The following NALCN variants were observed in gnomAD, a reference collection of about 807,000 sequenced individuals.
NALCN encodes sodium leak channel, non-selective.
NALCN carries 111 observed loss-of-function variants against 225.3 expected under a neutral mutation model. That is an observed-to-expected ratio of 0.49 (90% CI 0.42 to 0.58). The LOEUF (loss-of-function observed/expected upper bound fraction) is 0.58, where lower values mean the gene tolerates loss of function less well. NALCN is among the 20% of genes least tolerant of loss of function. The pLI is 0.00. For synonymous variants in NALCN, 764 were observed against 769.0 expected, an observed-to-expected ratio of 0.99 and a Z score of 0.11; for missense variants, 1,378 against 2,202.4, an observed-to-expected ratio of 0.63 and a Z score of 7.49.
chr13:101,059,595 A>T (rs920578466), intron 42 of NALCN, among the ~76,000 whole-genome samples: 2 of 151,856 alleles, frequency 1.3e-5, no homozygotes, highest in African/African-American at 4.9e-5. Context: ...CATATGAGTC[A>T]GACTCTTTTT....
chr13:101,407,512 A>T (rs1163624287), intron 1 of NALCN, among the ~76,000 whole-genome samples: 2 of 152,230 alleles, frequency 1.3e-5, no homozygotes, highest in Non-Finnish European at 2.9e-5. Flanking sequence ...AATAGAAGCA[A>T]GCTTAGACAT....
intron 13 of NALCN, among the ~76,000 whole-genome samples, chr13:101,227,785 A>G (rs1420018024): frequency 6.6e-6 from 1 of 152,154 alleles, no homozygotes; most frequent in East Asian, 1.9e-4. Context: ...TCACACTTTC[A>G]ACCGACTTCA....
intron 9 of NALCN, among the ~76,000 whole-genome samples, chr13:101,289,093 A>G: frequency 6.6e-6 from 1 of 152,234 alleles, no homozygotes. Flanking sequence ...ATAGTGGATT[A>G]ACAAAGCAGG....
At chr13:101,248,548 A>C (rs112266249) in intron 11 of NALCN, among the ~76,000 whole-genome samples, 1 of 152,258 alleles carries the variant, frequency 6.6e-6, no homozygotes, top group Middle Eastern at 3.4e-3. Context: ...CCTTGTGTGC[A>C]TGGCCAGTGA....
chr13:101,104,524 C>T lies in NALCN; in HGVS notation c.2757+6G>A, dbSNP rs370947153. The stretch of plus-strand genomic sequence containing the variant: ...TAAGCTGAGATTTTGCAGCGGTAAG[C>T]GGTACCTGCAAAGTAGGTGCATGCA... On this transcript the variant is annotated splice_donor_region_variant and intron_variant, in intron 24 of 43. Transcript: ENST00000251127. The surrounding 1 kb of genome is among the most constrained non-coding windows in gnomAD (Gnocchi z 4.2). The T allele has an allele frequency of 2.8e-5, 45 of 1,613,756 alleles. No homozygotes were observed. The highest frequency in any genetic ancestry group is 9.3e-5 in the African/African-American group (7 of 74,882).
At chr13:101,228,169 A>AAATTATT (rs59224223) in intron 13 of NALCN, among the ~76,000 whole-genome samples, 11 of 152,032 alleles carry the variant, frequency 7.2e-5, no homozygotes, top group African/African-American at 2.7e-4. Context: ...CCTTGGCGGC[A>AAATTATT]CATGAATGAA....
At chr13:101,244,591 G>T (rs2041839872) in intron 11 of NALCN, among the ~76,000 whole-genome samples, 1 of 152,082 alleles carries the variant, frequency 6.6e-6, no homozygotes, top group African/African-American at 2.4e-5. Flanking sequence ...CTAGCTCTCT[G>T]AAATATTCAT....
At chr13:101,081,373 G>C (rs2033640878) in intron 34 of NALCN, among the ~76,000 whole-genome samples, 154 bp downstream of exon 34, 1 of 152,140 alleles carries the variant, frequency 6.6e-6, no homozygotes, top group Admixed American at 6.5e-5. Flanking sequence ...AAGCATGTCT[G>C]AGAGCCCATC....
chr13:101,191,812 A>G, intron 14 of NALCN, 105 bp downstream of exon 14: 1 of 1,162,362 alleles, frequency 8.6e-7, no homozygotes, highest in Non-Finnish European at 1.2e-6. Context: ...AGTCTGCATT[A>G]GTCCTTTGGC....
At chr13:101,083,067 G>A (rs748713413) in intron 32 of NALCN, 25 bp downstream of exon 32, 28 of 1,605,514 alleles carry the variant, frequency 1.7e-5, no homozygotes, top group East Asian at 8.9e-5. Context: ...ATTCATTCCC[G>A]GAGTCTTAGG....
chr13:101,201,342 A>T (rs1435467992), intron 13 of NALCN, among the ~76,000 whole-genome samples: 1 of 152,010 alleles, frequency 6.6e-6, no homozygotes, highest in Non-Finnish European at 1.5e-5. Context: ...GTCATTCTCC[A>T]TTCCTCCCTC....
intron 1 of NALCN, among the ~76,000 whole-genome samples, chr13:101,415,228 T>A (rs201437101): frequency 4.0e-4 from 52 of 129,130 alleles, no homozygotes; most frequent in African/African-American, 1.5e-3. Context: ...TATATATACA[T>A]ACATATATAT....
chr13:101,405,992 G>T (rs2047609119), intron 1 of NALCN, among the ~76,000 whole-genome samples: 1 of 151,944 alleles, frequency 6.6e-6, no homozygotes. Flanking sequence ...TGGTTGAGGG[G>T]TTATTATGTG....
chr13:101,267,023 A>G (rs2042618980), intron 10 of NALCN, among the ~76,000 whole-genome samples: 1 of 152,168 alleles, frequency 6.6e-6, no homozygotes, highest in Non-Finnish European at 1.5e-5. Context: ...ACAGAAGGGA[A>G]TCCACATGTC....
At chr13:101,235,695 G>A (rs1319484621) in intron 12 of NALCN, among the ~76,000 whole-genome samples, 1 of 152,218 alleles carries the variant, frequency 6.6e-6, no homozygotes, top group Non-Finnish European at 1.5e-5. Context: ...CACGGATGCT[G>A]AGGGAAGTGA....
intron 15 of NALCN, among the ~76,000 whole-genome samples, chr13:101,168,368 T>C (rs113090843): frequency 2.2e-3 from 337 of 152,298 alleles, no homozygotes; most frequent in Non-Finnish European, 3.9e-3. Context: ...CATAGATATT[T>C]CCCAGGCATC....
chr13:101,195,066 G>A (rs1204483240), intron 13 of NALCN, among the ~76,000 whole-genome samples: 2 of 152,078 alleles, frequency 1.3e-5, no homozygotes, highest in Admixed American at 6.6e-5. Flanking sequence ...AGCAAAATAT[G>A]GTTAAAGTAC....
chr13:101,225,207 A>G (rs2041095043), intron 13 of NALCN, among the ~76,000 whole-genome samples: 1 of 152,160 alleles, frequency 6.6e-6, no homozygotes, highest in South Asian at 2.1e-4. Context: ...GAAAGAAAAA[A>G]CACCCCATCT....
intron 15 of NALCN, among the ~76,000 whole-genome samples, chr13:101,171,709 C>T (rs17485338): frequency 0.024 from 3,694 of 152,168 alleles, 57 homozygotes; most frequent in South Asian, 0.06. Flanking sequence ...GTGACCATCA[C>T]GGCACACACT....
Sources: gnomAD v4.1 joint callset for allele counts (sites outside exome capture counted in the v4.1 genomes callset) on GRCh38, gnomAD v4.1.1 for gene constraint, Gnocchi (gnomAD v3.1) non-coding constraint, MANE v1.5 for transcripts, NCBI Gene and HGNC (gene_info 2026-07-23, HGNC 2026-07-21) for gene names.